Variants in CYB5R4 observed in about 807,000 individuals in gnomAD.
CYB5R4 encodes the protein N-terminal cytochrome b5 and cytochrome b5 oxidoreductase domain-containing protein.
A neutral mutation model predicts 70.2 loss-of-function variants in CYB5R4; 55 were observed. The observed-to-expected ratio is 0.78, with a 90% CI of 0.63 to 0.98. The LOEUF is 0.98. Among genes scored for constraint, CYB5R4 ranks in the 50% least tolerant of loss-of-function variants. The pLI, the probability that CYB5R4 is intolerant of heterozygous loss-of-function variation, is 0.00. For missense variants in CYB5R4, 562 were observed against 612.6 expected, an observed-to-expected ratio of 0.92 and a Z score of 0.87; for synonymous variants, 197 against 199.5, an observed-to-expected ratio of 0.99 and a Z score of 0.11.
rs1017430024 is a variant in CYB5R4 at position 83,963,407 on chromosome 6, G to A, written c.*3529G>A. 6.6e-6 allele frequency: 1 copy of A among 152,156 alleles called. No individual in the cohort carries two copies. The highest frequency in any genetic ancestry group is 2.1e-4 in the South Asian group (1 of 4,828). 9.4% of individuals were successfully genotyped at this position (152,156 alleles called of 1,614,324 possible). A position where few individuals can be genotyped will look rare whatever the true frequency, so the allele number is the denominator to read the frequency against. ...ACCACACAAGCTTGTCCTGAACGAG[G>A]TTGGGGCTGAGTCTGTTGATAACAG... On this transcript the variant is annotated 3_prime_UTR_variant, in exon 16 of 16. Coordinates refer to ENST00000369681, the MANE Select transcript of CYB5R4 (RefSeq NM_016230.4).
chr6:83,889,630 C>T (rs61762800), intron 2 of CYB5R4, among the ~76,000 whole-genome samples: 2,763 of 152,254 alleles, frequency 0.018, 77 homozygotes, highest in African/African-American at 0.062. Context: ...TAGCACTGTA[C>T]GTCATGCCTT....
intron 10 of CYB5R4, among the ~76,000 whole-genome samples, chr6:83,925,943 T>C (rs1466642022): frequency 1.3e-5 from 2 of 152,226 alleles, no homozygotes; most frequent in Non-Finnish European, 2.9e-5. Flanking sequence ...ATAAATCCTT[T>C]GATTTCTTTT....
intron 2 of CYB5R4, among the ~76,000 whole-genome samples, chr6:83,871,738 A>G (rs6915972): frequency 0.15 from 23,397 of 152,006 alleles, 3,510 homozygotes; most frequent in African/African-American, 0.37. Context: ...CAATGAATTC[A>G]TTAATTTTAT....
intron 2 of CYB5R4, among the ~76,000 whole-genome samples, chr6:83,867,800 A>G (rs1219519636): frequency 6.6e-6 from 1 of 152,236 alleles, no homozygotes; most frequent in Non-Finnish European, 1.5e-5. Flanking sequence ...TAACCATGTC[A>G]TGTGAGCTCG....
intron 3 of CYB5R4, among the ~76,000 whole-genome samples, chr6:83,905,335 G>A (rs114520945): frequency 0.013 from 1,934 of 152,292 alleles, 45 homozygotes; most frequent in African/African-American, 0.044. Context: ...GAGCCACTGC[G>A]CCCGGCCCTT....
At chr6:83,892,891 A>G (rs538857758) in intron 2 of CYB5R4, among the ~76,000 whole-genome samples, 10 of 152,206 alleles carry the variant, frequency 6.6e-5, no homozygotes, top group African/African-American at 1.9e-4. Context: ...CAAAAATTAT[A>G]TACACAGTAT....
rs1210988079 is a variant in CYB5R4 at position 83,962,981 on chromosome 6, C to T, written c.*3103C>T. On this transcript the variant is annotated 3_prime_UTR_variant, in exon 16 of 16. Transcript: ENST00000369681. ...TCTCTGAATTCCCTTTCTGCCATATCTTTCTTGCCCTAGCAAGAGTTCACT... is the reference window on the plus strand; with the variant it reads ...TCTCTGAATTCCCTTTCTGCCATATTTTTCTTGCCCTAGCAAGAGTTCACT... 1 of 152,232 alleles carries T rather than the reference C, an allele frequency of 6.6e-6. No homozygotes were observed. Among genetic ancestry groups the T allele is most frequent in the Non-Finnish European group, 1.5e-5 (1 of 68,038 alleles). 9.4% of individuals were successfully genotyped at this position (152,232 alleles called of 1,614,324 possible).
At chr6:83,882,794 T>C (rs1196518637) in intron 2 of CYB5R4, among the ~76,000 whole-genome samples, 3 of 152,134 alleles carry the variant, frequency 2.0e-5, no homozygotes, top group African/African-American at 7.2e-5. Context: ...AAGACCATCC[T>C]GGCTAACATG....
chr6:83,884,469 C>T (rs968999509), intron 2 of CYB5R4, among the ~76,000 whole-genome samples: 1 of 152,038 alleles, frequency 6.6e-6, no homozygotes, highest in African/African-American at 2.4e-5. Flanking sequence ...AGGGTCATTT[C>T]ATTAGGAAAA....
In CYB5R4 at chr6:83,919,535, T is replaced by G. The variant is rs998755575; in HGVS notation, c.564+81T>G. The stretch of plus-strand genomic sequence containing the variant: ...CCAGGTCTTTTTCTAAACACTTTTT[T>G]ATATTATTTACTTCTCACTATAATT... On this transcript the variant is annotated intron_variant, in intron 7 of 15. Coordinates refer to ENST00000369681, the MANE Select transcript of CYB5R4 (RefSeq NM_016230.4). The G allele has an allele frequency of 1.5e-5, 10 of 656,804 alleles. No homozygotes were observed. The African/African-American group carries it at 1.5e-4, about 10-fold the overall frequency. 40.7% of individuals were successfully genotyped at this position (656,804 alleles called of 1,614,324 possible).
intron 3 of CYB5R4, among the ~76,000 whole-genome samples, chr6:83,899,744 T>C (rs1461692616): frequency 2.0e-5 from 3 of 152,226 alleles, no homozygotes; most frequent in Non-Finnish European, 4.4e-5. Flanking sequence ...TTTTCTAGTT[T>C]ATTTGCATAG....
In CYB5R4 at chr6:83,924,500, A is replaced by G; in HGVS notation, c.722A>G (p.Glu241Gly). 1 of 1,613,724 alleles carries G rather than the reference A, an allele frequency of 6.2e-7. No individual in the cohort carries two copies. Among genetic ancestry groups the G allele is most frequent in the East Asian group, 2.2e-5 (1 of 44,812 alleles). The change falls in exon 10 of 16, where the codon GAG (glutamate) becomes GGG (glycine). Residue 241 changes from glutamate (E) to glycine (G), a missense_variant. Glu to Gly is a moderately conservative substitution (Grantham distance 98). Transcript: ENST00000369681. Reference protein sequence around the residue: ...VRVVESVGKIEIVLQKKENTS... With the variant: ...VRVVESVGKIGIVLQKKENTS... Reference sequence around the variant, plus strand: ...GTTGTTGAGAGTGTGGGAAAAATAGAGATTGTTCTACAAAAAAAAGAGAAT... The same window carrying G: ...GTTGTTGAGAGTGTGGGAAAAATAGGGATTGTTCTACAAAAAAAAGAGAAT...
chr6:83,923,198 G>A (rs1213961730), intron 9 of CYB5R4, among the ~76,000 whole-genome samples: 6 of 152,172 alleles, frequency 3.9e-5, no homozygotes, highest in African/African-American at 1.2e-4. Context: ...ACTAAATTAT[G>A]AATGTTGCTG....
At chr6:83,954,089 C>A (rs770603279) in intron 14 of CYB5R4, among the ~76,000 whole-genome samples, 7 of 152,134 alleles carry the variant, frequency 4.6e-5, no homozygotes, top group Non-Finnish European at 7.4e-5. Flanking sequence ...GTGTGCCCCC[C>A]ACATGTCTCC....
chr6:83,874,295 A>G (rs2099458164), intron 2 of CYB5R4, among the ~76,000 whole-genome samples: 1 of 150,320 alleles, frequency 6.7e-6, no homozygotes, highest in African/African-American at 2.5e-5. Context: ...GGCTCAAGTA[A>G]TCCTCCCACC....
intron 13 of CYB5R4, 23 bp downstream of exon 13, chr6:83,940,229 A>C: frequency 6.3e-7 from 1 of 1,583,642 alleles, no homozygotes; most frequent in Non-Finnish European, 8.6e-7. Flanking sequence ...GTCTCTAATT[A>C]CGATCCTTTT....
chr6:83,894,696 T>C (rs1168351389), intron 3 of CYB5R4, among the ~76,000 whole-genome samples: 1 of 152,188 alleles, frequency 6.6e-6, no homozygotes, highest in Admixed American at 6.5e-5. Context: ...ATGTATGTTA[T>C]ATGCATTATA....
At chr6:83,911,285 G>T (rs986357544) in intron 4 of CYB5R4, among the ~76,000 whole-genome samples, 3 of 151,868 alleles carry the variant, frequency 2.0e-5, no homozygotes, top group African/African-American at 7.2e-5. Context: ...AAAGAATCAG[G>T]TCTAAGTTGT....
At chr6:83,908,788 C>G (rs1321826949) in intron 3 of CYB5R4, among the ~76,000 whole-genome samples, 2 of 152,168 alleles carry the variant, frequency 1.3e-5, no homozygotes, top group African/African-American at 4.8e-5. Context: ...GAAAGGGTGT[C>G]AGGAACTTCC....
Sources: allele counts gnomAD v4.1 joint callset (sites outside exome capture counted in the v4.1 genomes callset), GRCh38; gene constraint gnomAD v4.1.1; transcripts MANE v1.5; gene names NCBI Gene and HGNC (gene_info 2026-07-23, HGNC 2026-07-21).